Variants in KDM6B observed in about 807,000 individuals in gnomAD.
KDM6B encodes the protein lysine-specific demethylase 6B.
In KDM6B, 22 loss-of-function variants were observed where a neutral mutation model predicts 150.4. The observed-to-expected ratio is 0.15, with a 90% CI of 0.10 to 0.21. The LOEUF (loss-of-function observed/expected upper bound fraction) is 0.21, where lower values mean the gene tolerates loss of function less well. Ranked by LOEUF, KDM6B falls within the 10% of genes least tolerant of loss-of-function variation. The pLI is 1.00. For synonymous variants in KDM6B, 1,148 were observed against 921.1 expected (o/e 1.25, Z -4.46); for missense variants, 1,984 against 2,234.3 (o/e 0.89, Z 2.26).
chr17:7,852,106 C>G, intron 19 of KDM6B, 41 bp downstream of exon 19: 2 of 1,613,738 alleles, frequency 1.2e-6, no homozygotes, highest in Non-Finnish European at 1.7e-6. Context: ...CGCGTCCCCG[C>G]CCTCGGTCCC....
At chr17:7,837,343 C>T (rs1001813259) in intron 1 of KDM6B, among the ~76,000 whole-genome samples, 4 of 152,128 alleles carry the variant, frequency 2.6e-5, no homozygotes, top group Admixed American at 2.0e-4. Context: ...ATGGCACACC[C>T]CCATCTGCAA....
intron 1 of KDM6B, among the ~76,000 whole-genome samples, chr17:7,835,752 C>T (rs1007249448): frequency 2.0e-5 from 3 of 151,910 alleles, no homozygotes; most frequent in African/African-American, 7.2e-5. Context: ...CGCCCACCCC[C>T]CGCCCTGCGC....
chr17:7,847,510 G>C (rs373845387), intron 11 of KDM6B, 36 bp from the exon 12 acceptor site: 4 of 1,612,836 alleles, frequency 2.5e-6, no homozygotes, highest in Non-Finnish European at 3.4e-6. Flanking sequence ...GAGGCAGCCC[G>C]AGCAATGCTC....
chr17:7,851,866 T>A (rs1350936093), intron 18 of KDM6B, 70 bp downstream of exon 18: 1 of 1,577,820 alleles, frequency 6.3e-7, no homozygotes, highest in Non-Finnish European at 8.6e-7. Context: ...CGCTCAGCCG[T>A]CAGCCAATGA....
rs776461363 is a variant in KDM6B at position 7,849,662 on chromosome 17, A to G, written c.3374A>G (p.Glu1125Gly). The G allele has an allele frequency of 6.2e-7, 1 of 1,609,946 alleles. No individual in the cohort carries two copies. Among genetic ancestry groups the G allele is most frequent in the African/African-American group, 1.3e-5 (1 of 74,928 alleles). ...KETFIASEVE[E>G]RRLRMADLTI... ...ACCTTTATCGCCTCTGAGGTGGAAG[A>G]GCGGCGGCTGCGCATGGCAGACCTC... Residue 1125 changes from glutamate to glycine, a missense_variant, in exon 12 of 24, where the codon GAG becomes GGG. Physicochemically the swap from Glu to Gly is moderately conservative, Grantham distance 98. Transcript: ENST00000448097.
Position 7,846,142 on chromosome 17 carries a change from C to T in KDM6B, c.301C>T (p.Leu101Phe). 6.2e-7 allele frequency: 1 copy of T among 1,606,880 alleles called. No homozygotes were observed. Among genetic ancestry groups the T allele is most frequent in the South Asian group, 1.1e-5 (1 of 90,904 alleles). ...ESLHGCVQAL[L>F]REPAQPGLWE... ...CCTGCATGGCTGTGTGCAGGCATTG[C>T]TCCGGGAGCCAGCCCAGCCAGGGCT... Residue 101 changes from leucine to phenylalanine, a missense_variant, in exon 7 of 24, where the codon CTC becomes TTC. Transcript: ENST00000448097.
intron 2 of KDM6B, 139 bp downstream of exon 2, chr17:7,840,163 T>G (rs2078393135): frequency 1.3e-5 from 2 of 152,660 alleles, no homozygotes; most frequent in South Asian, 4.1e-4. Flanking sequence ...CATGTGGTGC[T>G]TGAGTGGTTC....
In KDM6B at chr17:7,843,557, G is replaced by A. The variant is rs895561436; in HGVS notation, c.-268-1344G>A. Among the ~76,000 whole-genome samples the A allele has an allele frequency of 6.6e-6, 1 of 152,168 alleles. No individual in the cohort carries two copies. Among genetic ancestry groups the A allele is most frequent in the Non-Finnish European group, 1.5e-5 (1 of 68,026 alleles). Reference sequence around the variant, plus strand: ...ACCAGAAACCCGTCTGCCCTTGTGGGCTGGGTGGAAATTTCCCCACAGCGC... The same window carrying A: ...ACCAGAAACCCGTCTGCCCTTGTGGACTGGGTGGAAATTTCCCCACAGCGC... On this transcript the variant is annotated intron_variant, in intron 2 of 23. Transcript: ENST00000448097. The surrounding 1 kb of genome is among the most constrained non-coding windows in gnomAD (Gnocchi z 4.5).
rs775329624 is a variant in KDM6B at position 7,851,484 on chromosome 17, A to C, written c.3951A>C (p.Ala1317=). The change falls in exon 17 of 24, where the codon GCA becomes GCC. Residue 1317 remains alanine (A), a synonymous_variant. Transcript: ENST00000448097. ...GTGCTCTTCGCCCCAGCAGCAGCGCACCAGACCCGAAGAACCATCACATCA... is the reference window on the plus strand; with the variant it reads ...GTGCTCTTCGCCCCAGCAGCAGCGCCCCAGACCCGAAGAACCATCACATCA... ...DSTTGTPPSS[A]PDPKNHHIIK... 2 of 1,614,030 alleles carry C rather than the reference A, an allele frequency of 1.2e-6. No homozygotes were observed. Among genetic ancestry groups the C allele is most frequent in the East Asian group, 4.5e-5 (2 of 44,886 alleles).
Position 7,847,123 on chromosome 17 carries a change from C to T in KDM6B, c.928C>T (p.Pro310Ser). The change falls in exon 11 of 24, where the codon CCT becomes TCT. Residue 310 changes from proline (P) to serine (S), a missense_variant. Transcript: ENST00000448097. ...CCTATAGGAGCAGCGGCACTCGCTGCCTCACCCATATCCATACCCAGCTCC... is the reference window on the plus strand; with the variant it reads ...CCTATAGGAGCAGCGGCACTCGCTGTCTCACCCATATCCATACCCAGCTCC... ...PERQEQRHSL[P>S]HPYPYPAPAY... 1 of 1,611,486 alleles carries T rather than the reference C, an allele frequency of 6.2e-7. No homozygotes were observed.
intron 2 of KDM6B, among the ~76,000 whole-genome samples, chr17:7,842,590 C>T (rs576879767): frequency 2.0e-5 from 3 of 152,206 alleles, no homozygotes; most frequent in South Asian, 2.1e-4. Flanking sequence ...GAGAGTGGAG[C>T]GCGAGCTGGC....
In KDM6B at chr17:7,845,651, C is replaced by T. The variant is rs779247041; in HGVS notation, c.97C>T (p.Pro33Ser). ...TGCTGGGGCCTGGAGCTCCTGCCCGCCTCATCCCCCTCCTCGTAGCGCATG... is the reference window on the plus strand; with the variant it reads ...TGCTGGGGCCTGGAGCTCCTGCCCGTCTCATCCCCCTCCTCGTAGCGCATG... ...SCAGAWSSCPPHPPPRSAWLP... is the reference protein window; with the variant it reads ...SCAGAWSSCPSHPPPRSAWLP... Residue 33 changes from proline (P) to serine (S), a missense_variant, in exon 5 of 24, where the codon CCT (proline) becomes TCT (serine). Coordinates refer to ENST00000448097, the MANE Select transcript of KDM6B (RefSeq NM_001348716.2). The T allele has an allele frequency of 1.9e-6, 3 of 1,614,164 alleles. No homozygotes were observed. Among genetic ancestry groups the T allele is most frequent in the South Asian group, 2.2e-5 (2 of 91,090 alleles).
rs2078515451 is a variant in KDM6B, at chr17:7,845,602, C to G, written c.48C>G (p.Ala16=). The change falls in exon 5 of 24, where the codon GCC becomes GCG. Residue 16 remains alanine, a synonymous_variant. Transcript: ENST00000448097. ...CAGGGGCCCGCGCTGCACGGGAAGC[C>G]TTTGCCCTTGGGGGCCTGAGCTGTG... The part of the protein sequence containing the change: ...DPPGARAARE[A]FALGGLSCAG... 6.2e-7 allele frequency: 1 copy of G among 1,614,200 alleles called. No homozygotes were observed. Among genetic ancestry groups the G allele is most frequent in the African/African-American group, 1.3e-5 (1 of 75,074 alleles).
In KDM6B at chr17:7,847,609, T is replaced by G; in HGVS notation, c.1321T>G (p.Ser441Ala). ...EVSHHGRLGPSAHSSRKPFLG... is the reference protein window; with the variant it reads ...EVSHHGRLGPAAHSSRKPFLG... ...CTCTCACCATGGCCGCCTGGGGCCC[T>G]CGGCACACAGCAGTCGGAAACCGTT... The change falls in exon 12 of 24, where the codon TCG becomes GCG. Residue 441 changes from serine (S) to alanine (A), a missense_variant. Around this residue, in one of 13 missense-constraint regions of KDM6B, gnomAD observed 1,379 missense variants for 1,275.6 expected, o/e 1.08. Coordinates refer to ENST00000448097, the MANE Select transcript of KDM6B (RefSeq NM_001348716.2). 6.2e-7 allele frequency: 1 copy of G among 1,612,312 alleles called. No individual in the cohort carries two copies. The highest frequency in any genetic ancestry group is 8.5e-7 in the Non-Finnish European group (1 of 1,179,682).
chr17:7,847,597 C>G lies in KDM6B; in HGVS notation c.1309C>G (p.Arg437Gly), dbSNP rs529894126. ...TPALEVSHHGRLGPSAHSSRK... is the reference protein window; with the variant it reads ...TPALEVSHHGGLGPSAHSSRK... ...CGCGCTGGAGGTCTCTCACCATGGC[C>G]GCCTGGGGCCCTCGGCACACAGCAG... The change falls in exon 12 of 24, where the codon CGC (arginine) becomes GGC (glycine). Residue 437 changes from arginine to glycine, a missense_variant. Coordinates refer to ENST00000448097, the MANE Select transcript of KDM6B (RefSeq NM_001348716.2). 1 of 1,612,416 alleles carries G rather than the reference C, an allele frequency of 6.2e-7. No individual in the cohort carries two copies. The highest frequency in any genetic ancestry group is 1.3e-5 in the African/African-American group (1 of 74,720).
intron 2 of KDM6B, among the ~76,000 whole-genome samples, chr17:7,841,807 GGGAAGGCTGGGGA>G (rs1336508913): frequency 6.6e-6 from 1 of 152,104 alleles, no homozygotes; most frequent in African/African-American, 2.4e-5. Context: ...CGGCAGCCGG[GGGAAGGCTGGGGA>G]AGGGAATCCC....
chr17:7,837,887 G>C (rs557880701), intron 1 of KDM6B, among the ~76,000 whole-genome samples: 1 of 152,102 alleles, frequency 6.6e-6, no homozygotes, highest in South Asian at 2.1e-4. Context: ...AGGGGTAGTG[G>C]ATAGTTTGTG....
rs372393485 is a variant in KDM6B, at chr17:7,846,208, A to G, written c.367A>G (p.Ser123Gly). The change falls in exon 7 of 24, where the codon AGT becomes GGT. Residue 123 changes from serine (S) to glycine (G), a missense_variant. Transcript: ENST00000448097. ...GCAACTGTACGAGTCAGAGCACGAT[A>G]GTGAGGAGGCCACACGCTGCTACCA... The part of the protein sequence containing the change: ...LGQLYESEHD[S>G]EEATRCYHSA... The G allele has an allele frequency of 8.1e-6, 13 of 1,614,044 alleles. No homozygotes were observed. The African/African-American group carries it at 1.5e-4, about 18-fold the overall frequency.
Position 7,847,869 on chromosome 17 carries a change from G to T in KDM6B, c.1581G>T (p.Gly527=), listed in dbSNP as rs2078595673. 1 of 1,600,668 alleles carries T rather than the reference G, an allele frequency of 6.2e-7. No individual in the cohort carries two copies. Among genetic ancestry groups the T allele is most frequent in the Non-Finnish European group, 8.5e-7 (1 of 1,174,488 alleles). ...TCCCCCATCGCGAGGGCTTCTTGGG[G>T]CCTCCGGCCTCCCGCTTTTCTGTGG... is the stretch of plus-strand genomic sequence containing the variant. ...PPLPHREGFL[G]PPASRFSVGT... Residue 527 remains glycine (G), a synonymous_variant, in exon 12 of 24, where the codon GGG becomes GGT. Coordinates refer to ENST00000448097, the MANE Select transcript of KDM6B (RefSeq NM_001348716.2).
Sources: allele counts gnomAD v4.1 joint callset (sites outside exome capture counted in the v4.1 genomes callset), GRCh38; gene constraint gnomAD v4.1.1; regional missense constraint gnomAD v4.1.1; non-coding constraint Gnocchi (gnomAD v3.1); transcripts MANE v1.5; gene names NCBI Gene and HGNC (gene_info 2026-07-23, HGNC 2026-07-21).